The following SOX5 variants were observed in gnomAD, a reference collection of about 807,000 sequenced individuals.
The protein encoded by SOX5 is SRY-box transcription factor 5.
SOX5 carries 9 observed loss-of-function variants against 92.0 expected under a neutral mutation model. The observed-to-expected ratio is 0.10, with a 90% CI of 0.06 to 0.17. The LOEUF (loss-of-function observed/expected upper bound fraction) is 0.17. Ranked by LOEUF, SOX5 falls within the 10% of genes least tolerant of loss-of-function variation. SOX5 has a pLI of 1.00. For missense variants in SOX5, 642 were observed against 944.5 expected, an observed-to-expected ratio of 0.68 and a Z score of 4.20; for synonymous variants, 344 against 336.3, an observed-to-expected ratio of 1.02 and a Z score of -0.25.
At chr12:23,904,179 GC>G (rs2097266408) in intron 1 of SOX5, among the ~76,000 whole-genome samples, 1 of 152,014 alleles carries the variant, frequency 6.6e-6, no homozygotes, top group Non-Finnish European at 1.5e-5. Flanking sequence ...ATATTCAGAA[GC>G]CTTTAAATAG....
chr12:24,246,384 A>G (rs1431713827), intron 3 of SOX5, among the ~76,000 whole-genome samples: 1 of 152,130 alleles, frequency 6.6e-6, no homozygotes. Context: ...TTAAAAAAAA[A>G]TTCAAGGAAA....
chr12:23,764,347 AAAT>A (rs2094647043), intron 3 of SOX5, among the ~76,000 whole-genome samples: 1 of 152,100 alleles, frequency 6.6e-6, no homozygotes, highest in Non-Finnish European at 1.5e-5. Context: ...AGATAGAACA[AAAT>A]AATAGAAAAG....
intron 1 of SOX5, among the ~76,000 whole-genome samples, chr12:24,473,555 C>A (rs966619606): frequency 3.3e-5 from 5 of 152,228 alleles, no homozygotes; most frequent in African/African-American, 1.2e-4. Flanking sequence ...ATATTTGAAT[C>A]TGTTGTCTTC....
At chr12:23,748,721 T>C (rs1353272685) in intron 4 of SOX5, among the ~76,000 whole-genome samples, 1 of 152,034 alleles carries the variant, frequency 6.6e-6, no homozygotes, top group East Asian at 1.9e-4. Flanking sequence ...TTTGTGTTTG[T>C]CAGACTACTA....
In SOX5 at chr12:23,979,319, GT is replaced by G. The variant is rs1416039273; in HGVS notation, c.-1-83296del. ...GCTCACTGCAACCTCTGCTTCCCAGGTTCAAGTGATTCTCCTGCCTTAGCCT... is the reference window on the plus strand; with the variant it reads ...GCTCACTGCAACCTCTGCTTCCCAGGTCAAGTGATTCTCCTGCCTTAGCCT... On this transcript the variant is annotated intron_variant, in intron 4 of 4. Coordinates refer to the SOX5 transcript ENST00000446891. Among the ~76,000 whole-genome samples, 8 of 152,200 alleles carry G rather than the reference GT, an allele frequency of 5.3e-5. No homozygotes were observed. In the East Asian group the frequency reaches 1.4e-3, roughly 26 times the overall value.
intron 1 of SOX5, among the ~76,000 whole-genome samples, chr12:24,521,252 A>C (rs1322047644): frequency 6.6e-6 from 1 of 151,898 alleles, no homozygotes; most frequent in Non-Finnish European, 1.5e-5. Context: ...ACAGGGTTTC[A>C]CCATGTTGGC....
intron 3 of SOX5, among the ~76,000 whole-genome samples, chr12:24,256,310 T>C (rs895561647): frequency 6.6e-6 from 1 of 152,236 alleles, no homozygotes; most frequent in African/African-American, 2.4e-5. Flanking sequence ...TTCATTTAAT[T>C]TATGGCTTTC....
chr12:24,240,923 G>T (rs991811102), intron 3 of SOX5, among the ~76,000 whole-genome samples: 1 of 152,134 alleles, frequency 6.6e-6, no homozygotes, highest in Non-Finnish European at 1.5e-5. Context: ...TTAAAATAAT[G>T]TGTAACTCAA....
intron 1 of SOX5, among the ~76,000 whole-genome samples, chr12:23,945,065 A>G (rs549534682): frequency 8.1e-4 from 124 of 152,270 alleles, no homozygotes; most frequent in Non-Finnish European, 1.4e-3. Flanking sequence ...ATTACACAAT[A>G]TACTCATTAG....
chr12:23,538,558 C>T (rs1453614569), intron 13 of SOX5, among the ~76,000 whole-genome samples: 4 of 152,154 alleles, frequency 2.6e-5, no homozygotes, highest in Non-Finnish European at 5.9e-5. Flanking sequence ...ATGTTATTCT[C>T]AGGGCCTATA....
In SOX5 at chr12:24,012,626, AT is replaced by A. The variant is rs1249281152; in HGVS notation, c.-1-116603del. 2.0e-5 allele frequency among the ~76,000 whole-genome samples: 3 copies of A among 152,314 alleles called. No individual in the cohort carries two copies. In the East Asian group the frequency reaches 5.8e-4, roughly 29 times the overall value. ...CTTTGTACTTGTCACCTATGGCTTA[AT>A]AAATACTACCAGGTACTGCTAGATC... On this transcript the variant is annotated intron_variant, in intron 4 of 4. Transcript: ENST00000446891.
intron 4 of SOX5, among the ~76,000 whole-genome samples, chr12:23,960,294 A>G (rs1403718444): frequency 1.3e-5 from 2 of 151,998 alleles, no homozygotes; most frequent in Non-Finnish European, 2.9e-5. Context: ...TTTGTGACCT[A>G]TGTAAAGTGG....
At chr12:24,493,528 T>C (rs1947302670) in intron 1 of SOX5, among the ~76,000 whole-genome samples, 2 of 152,152 alleles carry the variant, frequency 1.3e-5, no homozygotes, top group African/African-American at 2.4e-5. Context: ...TAGGAGCTCT[T>C]TGTACTGCAA....
chr12:24,030,875 A>T (rs1429049357), intron 4 of SOX5, among the ~76,000 whole-genome samples: 1 of 151,906 alleles, frequency 6.6e-6, no homozygotes, highest in Non-Finnish European at 1.5e-5. Context: ...TTTAAAAAAT[A>T]GGCAAAGAAC....
intron 13 of SOX5, among the ~76,000 whole-genome samples, chr12:23,539,902 G>C (rs933818123): frequency 5.9e-5 from 9 of 152,130 alleles, no homozygotes; most frequent in African/African-American, 1.4e-4. Flanking sequence ...ACAGGGCAGT[G>C]TTTCCATTTG....
chr12:24,141,603 A>G (rs1950588349), intron 4 of SOX5, among the ~76,000 whole-genome samples: 1 of 152,210 alleles, frequency 6.6e-6, no homozygotes, highest in African/African-American at 2.4e-5. Flanking sequence ...TCAGTTCAAG[A>G]CGGACACTCA....
chr12:24,188,471 C>G (rs1426627189), intron 4 of SOX5, among the ~76,000 whole-genome samples: 1 of 151,930 alleles, frequency 6.6e-6, no homozygotes, highest in African/African-American at 2.4e-5. Context: ...GGCATTATTT[C>G]CTAAAACAAT....
intron 1 of SOX5, among the ~76,000 whole-genome samples, chr12:24,424,987 C>A (rs1966539737): frequency 6.6e-6 from 1 of 151,912 alleles, no homozygotes; most frequent in South Asian, 2.1e-4. Context: ...TGGCTGGTTA[C>A]CAGATTAACG....
At chr12:24,302,289 T>C (rs1366992704) in intron 2 of SOX5, among the ~76,000 whole-genome samples, 1 of 152,218 alleles carries the variant, frequency 6.6e-6, no homozygotes, top group Non-Finnish European at 1.5e-5. Flanking sequence ...GACAAAATAA[T>C]AACATGTATC....
Sources: allele counts gnomAD v4.1 joint callset (sites outside exome capture counted in the v4.1 genomes callset), GRCh38; gene constraint gnomAD v4.1.1; transcripts MANE v1.5; gene names NCBI Gene and HGNC (gene_info 2026-07-23, HGNC 2026-07-21).